Variants in HEXA observed in about 807,000 individuals in gnomAD.
HEXA encodes the protein beta-hexosaminidase subunit alpha.
Under a neutral mutation model 73.3 loss-of-function variants are expected in HEXA, and 54 were observed. The ratio of observed to expected loss-of-function variants is 0.74; its 90% confidence interval spans 0.59 to 0.92. The LOEUF is 0.92. Ranked by LOEUF, HEXA falls within the 40% of genes least tolerant of loss-of-function variation. HEXA has a pLI of 0.00. For synonymous variants in HEXA, 230 were observed against 246.9 expected (o/e 0.93, Z 0.64); for missense variants, 649 against 653.0 (o/e 0.99, Z 0.07).
intron 10 of HEXA, among the ~76,000 whole-genome samples, chr15:72,347,043 G>T (rs981379985): frequency 6.6e-6 from 1 of 151,042 alleles, no homozygotes; most frequent in Non-Finnish European, 1.5e-5. Flanking sequence ...TTCTGGGGAC[G>T]GGACAAGGTT....
Position 72,349,169 on chromosome 15 carries a change from T to C in HEXA, c.896A>G (p.Glu299Gly), listed in dbSNP as rs778191188. 1.2e-6 allele frequency: 2 copies of C among 1,613,528 alleles called. No individual in the cohort carries two copies. Residue 299 changes from glutamate to glycine, a missense_variant, in exon 8 of 14, where the codon GAG becomes GGG. Coordinates refer to ENST00000268097, the MANE Select transcript of HEXA (RefSeq NM_000520.6). Reference protein sequence around the residue: ...PVNPSLNNTYEFMSTFFLEVS... With the variant: ...PVNPSLNNTYGFMSTFFLEVS... ...TTCTAAGAAGAATGTGCTCATGAAC[T>C]CATAGGTATTATTGAGACTGGGATT...
intron 4 of HEXA, 101 bp downstream of exon 4, chr15:72,353,590 C>T (rs1398351194): frequency 1.1e-6 from 1 of 887,078 alleles, no homozygotes; most frequent in Non-Finnish European, 1.9e-6. Flanking sequence ...TATCTCAAGC[C>T]ACCAGGATCC....
At chr15:72,375,659 GA>G in intron 1 of HEXA, 60 bp downstream of exon 1, 1 of 1,595,900 alleles carries the variant, frequency 6.3e-7, no homozygotes, top group Non-Finnish European at 8.6e-7. Flanking sequence ...AGCCCTGGGG[GA>G]ACTGTCCCCA....
Position 72,347,767 on chromosome 15 carries a change from G to A in HEXA, c.1074-9C>T. ...AGACGATGTCCAGCAGCCTGGAGAG[G>A]AGAGGAGTGTCTAGTAAGTGTCTGC... On this transcript the variant is annotated splice_polypyrimidine_tract_variant and intron_variant, in intron 9 of 13. Coordinates refer to ENST00000268097, the MANE Select transcript of HEXA (RefSeq NM_000520.6). The A allele has an allele frequency of 6.2e-7, 1 of 1,613,528 alleles. No homozygotes were observed. Among genetic ancestry groups the A allele is most frequent in the African/African-American group, 1.3e-5 (1 of 75,064 alleles).
At chr15:72,364,260 A>C (rs1432028403) in intron 1 of HEXA, among the ~76,000 whole-genome samples, 1 of 152,084 alleles carries the variant, frequency 6.6e-6, no homozygotes, top group Non-Finnish European at 1.5e-5. Flanking sequence ...TGACAGAGCG[A>C]GACTGTCTCA....
chr15:72,356,374 T>G (rs569073664), intron 2 of HEXA, 151 bp downstream of exon 2: 53 of 790,984 alleles, frequency 6.7e-5, no homozygotes, highest in Admixed American at 4.7e-4. Flanking sequence ...GAAAAACTCA[T>G]CTTCCATGGC....
intron 1 of HEXA, among the ~76,000 whole-genome samples, chr15:72,360,758 T>C (rs552688908): frequency 6.6e-6 from 1 of 152,332 alleles, no homozygotes; most frequent in East Asian, 1.9e-4. Flanking sequence ...GTTCTAACAC[T>C]TTCTAGCTGC....
intron 1 of HEXA, among the ~76,000 whole-genome samples, chr15:72,364,433 T>C (rs184065715): frequency 1.1e-4 from 16 of 152,208 alleles, no homozygotes; most frequent in Non-Finnish European, 1.8e-4. Context: ...ATTCCAATGA[T>C]GAGATATACA....
At chr15:72,353,230 G>A (rs759310073) in intron 4 of HEXA, 52 bp from the exon 5 acceptor site, 1 of 1,057,592 alleles carries the variant, frequency 9.5e-7, no homozygotes, top group African/African-American at 1.6e-5. Flanking sequence ...CTTACTATGG[G>A]GGCACAGGGA....
intron 1 of HEXA, chr15:72,359,344 T>C (rs1264462118): frequency 2.0e-5 from 3 of 152,388 alleles, no homozygotes; most frequent in African/African-American, 7.2e-5. Flanking sequence ...TGCTTTCATG[T>C]AAACCTACTC....
chr15:72,348,191 T>A, intron 8 of HEXA, 57 bp from the exon 9 acceptor site: 6 of 1,185,160 alleles, frequency 5.1e-6, no homozygotes, highest in Non-Finnish European at 6.3e-6. Context: ...GCCTAATGCC[T>A]GGGGATTAGT....
chr15:72,356,513 G>A lies in HEXA; in HGVS notation c.346+12C>T. ...TTTGCTCTTCTAAGACAGGGAACAGGATGGTACTTACAATTCTCCACTGAC... is the reference window on the plus strand; with the variant it reads ...TTTGCTCTTCTAAGACAGGGAACAGAATGGTACTTACAATTCTCCACTGAC... On this transcript the variant is annotated intron_variant, in intron 2 of 13. Transcript: ENST00000268097. 3.1e-6 allele frequency: 5 copies of A among 1,613,850 alleles called. No individual in the cohort carries two copies. The highest frequency in any genetic ancestry group is 4.2e-6 in the Non-Finnish European group (5 of 1,179,870).
chr15:72,343,819 C>T lies in HEXA; in HGVS notation c.*258G>A. ...AAGACCTCAGGGGCAGACACTGACT[C>T]CAGCCTGGCTGTGCCCTTACCCTAA... On this transcript the variant is annotated 3_prime_UTR_variant, in exon 14 of 14. Transcript: ENST00000268097. The T allele has an allele frequency of 7.0e-5, 31 of 444,704 alleles. 1 individual carries two copies. The highest frequency in any genetic ancestry group is 6.4e-4 in the South Asian group (31 of 48,186). 27.5% of individuals were successfully genotyped at this position (444,704 alleles called of 1,614,324 possible). A position where few individuals can be genotyped will look rare whatever the true frequency, so the allele number is the denominator to read the frequency against.
intron 1 of HEXA, among the ~76,000 whole-genome samples, chr15:72,365,263 A>T (rs1483866412): frequency 6.6e-6 from 1 of 151,560 alleles, no homozygotes; most frequent in African/African-American, 2.4e-5. Context: ...CTAATTTTTT[A>T]TTATTATTAT....
chr15:72,341,478 G>A lies in HEXA; in HGVS notation c.*2599C>T. Reference sequence around the variant, plus strand: ...CTTTGCTTTGATACCCGTTAGGCCTGCTTTGCCTCCTTAATAGACTCCTGG... The same window carrying A: ...CTTTGCTTTGATACCCGTTAGGCCTACTTTGCCTCCTTAATAGACTCCTGG... On this transcript the variant is annotated 3_prime_UTR_variant, in exon 14 of 14. Coordinates refer to ENST00000268097, the MANE Select transcript of HEXA (RefSeq NM_000520.6). 7.0e-6 allele frequency: 1 copy of A among 143,208 alleles called. No individual in the cohort carries two copies. Among genetic ancestry groups the A allele is most frequent in the East Asian group, 2.1e-4 (1 of 4,834 alleles). 8.9% of individuals were successfully genotyped at this position (143,208 alleles called of 1,614,324 possible).
At chr15:72,350,361 G>A in intron 7 of HEXA, 157 bp downstream of exon 7, 1 of 808,808 alleles carries the variant, frequency 1.2e-6, no homozygotes, top group Non-Finnish European at 2.2e-6. Flanking sequence ...TGTCCAAAGT[G>A]AGTTCTTCCT....
chr15:72,361,465 C>T (rs1485800912), intron 1 of HEXA, among the ~76,000 whole-genome samples: 1 of 152,150 alleles, frequency 6.6e-6, no homozygotes, highest in East Asian at 1.9e-4. Context: ...CCAATGACTC[C>T]CAAATCTATC....
chr15:72,365,913 C>T (rs1405677664), intron 1 of HEXA, among the ~76,000 whole-genome samples: 1 of 152,144 alleles, frequency 6.6e-6, no homozygotes, highest in East Asian at 1.9e-4. Flanking sequence ...CAATATATAA[C>T]CCCCTTTGCT....
intron 1 of HEXA, among the ~76,000 whole-genome samples, chr15:72,375,025 T>G (rs926150424): frequency 6.6e-6 from 1 of 151,328 alleles, no homozygotes; most frequent in South Asian, 2.1e-4. Context: ...GAAACTCACT[T>G]CCTTATGTTC....
Sources: gnomAD v4.1 joint callset for allele counts (sites outside exome capture counted in the v4.1 genomes callset) on GRCh38, gnomAD v4.1.1 for gene constraint, MANE v1.5 for transcripts, NCBI Gene and HGNC (gene_info 2026-07-23, HGNC 2026-07-21) for gene names.